The following ATP11C variants were observed in gnomAD, a reference collection of about 807,000 sequenced individuals.
ATP11C encodes the protein phospholipid-transporting ATPase IG.
ATP11C carries 36 observed loss-of-function variants against 97.4 expected under a neutral mutation model. The ratio of observed to expected loss-of-function variants is 0.37; its 90% CI spans 0.28 to 0.49. ATP11C has a LOEUF of 0.49. Among genes scored for constraint, ATP11C ranks in the 20% least tolerant of loss-of-function variants. The pLI is 0.98. For synonymous variants in ATP11C, 275 were observed against 290.9 expected, an observed-to-expected ratio of 0.95 and a Z score of 0.56; for missense variants, 730 against 824.6, an observed-to-expected ratio of 0.89 and a Z score of 1.40.
At chrX:139,874,191 T>A (rs1342993377) in intron 1 of ATP11C, among the ~76,000 whole-genome samples, 1 of 105,992 alleles carries the variant, frequency 9.4e-6, no homozygotes, top group Admixed American at 1.0e-4. Flanking sequence ...TACAGACGTG[T>A]GCCACCATGC....
intron 1 of ATP11C, among the ~76,000 whole-genome samples, chrX:139,850,755 A>G (rs1240470308): frequency 9.1e-6 from 1 of 110,189 alleles, no homozygotes; most frequent in Non-Finnish European, 1.9e-5. Context: ...TACTAAAAAT[A>G]CAAACAATTA....
intron 3 of ATP11C, among the ~76,000 whole-genome samples, chrX:139,818,884 C>A (rs763820047): frequency 8.9e-6 from 1 of 112,033 alleles, no homozygotes; most frequent in Non-Finnish European, 1.9e-5. Flanking sequence ...GCAGATTGAT[C>A]TAACTAGGCT....
chrX:139,911,903 G>A (rs1395183581), intron 1 of ATP11C, among the ~76,000 whole-genome samples: 9 of 110,295 alleles, frequency 8.2e-5, no homozygotes, highest in African/African-American at 9.9e-5. Flanking sequence ...GGCCAGGCAC[G>A]GTGGATCACG....
Position 139,797,215 on chromosome X carries a change from C to A in ATP11C, c.969G>T (p.Trp323Cys). 2.5e-6 allele frequency: 3 copies of A among 1,204,830 alleles called. No individual in the cohort carries two copies. Among genetic ancestry groups the A allele is most frequent in the Non-Finnish European group, 3.4e-6 (3 of 892,908 alleles). Reference protein sequence around the residue: ...WQSTPYNDEPWYNQKTQKERE... With the variant: ...WQSTPYNDEPCYNQKTQKERE... Reference sequence around the variant, plus strand: ...GCTCTTTCTGAGTCTTTTGGTTATACCAAGGTTCATCATTGTATGGGGTAC... The same window carrying A: ...GCTCTTTCTGAGTCTTTTGGTTATAACAAGGTTCATCATTGTATGGGGTAC... The change falls in exon 11 of 30, where the codon TGG (tryptophan) becomes TGT (cysteine). Residue 323 changes from tryptophan to cysteine, a missense_variant. Physicochemically the swap from Trp to Cys is radical, Grantham distance 215. Coordinates refer to ENST00000682941, the MANE Select transcript of ATP11C (RefSeq NM_001353812.2).
At chrX:139,782,933 T>C (rs960422848) in intron 17 of ATP11C, among the ~76,000 whole-genome samples, 8 of 112,017 alleles carry the variant, frequency 7.1e-5, no homozygotes, top group African/African-American at 2.3e-4. Flanking sequence ...TTAACAAAGG[T>C]TGTTGAAAAG....
chrX:139,749,897 A>C lies in ATP11C; in HGVS notation c.2828+128T>G. 4.4e-6 allele frequency: 3 copies of C among 687,015 alleles called. No homozygotes were observed. In the South Asian group the frequency reaches 1.4e-4, roughly 32 times the overall value. 56.6% of individuals were successfully genotyped at this position (687,015 alleles called of 1,213,427 possible). A position where few individuals can be genotyped will look rare whatever the true frequency, so the allele number is the denominator to read the frequency against. On this transcript the variant is annotated intron_variant, in intron 24 of 29. Coordinates refer to ENST00000682941, the MANE Select transcript of ATP11C (RefSeq NM_001353812.2). The stretch of plus-strand genomic sequence containing the variant: ...AGCAGTCTGCTTTCAATAGCTAAAA[A>C]TTCCAAACAGAACCATATAATCATA...
chrX:139,767,910 C>T (rs953375529), intron 20 of ATP11C, among the ~76,000 whole-genome samples: 2 of 111,056 alleles, frequency 1.8e-5, no homozygotes, highest in African/African-American at 6.5e-5. Flanking sequence ...GCCAGGTCTA[C>T]CTGCAGGCAA....
chrX:139,814,865 T>C lies in ATP11C; in HGVS notation c.426+13A>G, dbSNP rs1181636547. On this transcript the variant is annotated intron_variant, in intron 5 of 29. Coordinates refer to ENST00000682941, the MANE Select transcript of ATP11C (RefSeq NM_001353812.2). ...TTTTACCATTAAAAAAGGAGTGGACTAAGAAAAAATACCTTGATTTTTTCA... is the reference window on the plus strand; with the variant it reads ...TTTTACCATTAAAAAAGGAGTGGACCAAGAAAAAATACCTTGATTTTTTCA... The C allele has an allele frequency of 1.9e-6, 2 of 1,056,217 alleles. No homozygotes were observed. The highest frequency in any genetic ancestry group is 4.3e-5 in the South Asian group (2 of 46,699). 87.0% of individuals were successfully genotyped at this position (1,056,217 alleles called of 1,213,427 possible). A position where few individuals can be genotyped will look rare whatever the true frequency, so the allele number is the denominator to read the frequency against.
chrX:139,825,688 T>C lies in ATP11C; in HGVS notation c.147+1016A>G, dbSNP rs181521337. ...GCCCAAACAAGAAATTAAATGCATA[T>C]TTGAAAACCAAAATGTCATATATTT... On this transcript the variant is annotated intron_variant, in intron 2 of 29. Transcript: ENST00000682941. 3.6e-5 allele frequency among the ~76,000 whole-genome samples: 4 copies of C among 112,531 alleles called. No individual in the cohort carries two copies. In the East Asian group the frequency reaches 1.1e-3, roughly 32 times the overall value.
chrX:139,769,659 G>T (rs1340129320), intron 19 of ATP11C, among the ~76,000 whole-genome samples: 2 of 110,889 alleles, frequency 1.8e-5, no homozygotes, highest in Non-Finnish European at 3.8e-5. Context: ...CAAACAAGTG[G>T]TTATTCAAGT....
chrX:139,791,493 A>C (rs1430240494), intron 12 of ATP11C, among the ~76,000 whole-genome samples: 1 of 111,870 alleles, frequency 8.9e-6, no homozygotes, highest in African/African-American at 3.2e-5. Flanking sequence ...ATTATACCCA[A>C]ATGCAGTAAT....
At position 139,815,784 on chromosome X, in the gene ATP11C, C is replaced by T. The variant is rs923653883; in HGVS notation, c.319-799G>A. 3.6e-5 allele frequency among the ~76,000 whole-genome samples: 4 copies of T among 110,647 alleles called. No individual in the cohort carries two copies. In the South Asian group the frequency reaches 1.5e-3, roughly 42 times the overall value. ...ACAACTGTTTGAAAAGTCTCTTCAT[C>T]GCCTCCCCCCACTTTTTCCCCTCAG... On this transcript the variant is annotated intron_variant, in intron 4 of 29. Coordinates refer to ENST00000682941, the MANE Select transcript of ATP11C (RefSeq NM_001353812.2).
At chrX:139,752,396 T>C (rs2081839625) in intron 23 of ATP11C, among the ~76,000 whole-genome samples, 1 of 111,558 alleles carries the variant, frequency 9.0e-6, no homozygotes, top group Non-Finnish European at 1.9e-5. Context: ...AATCAAGAAA[T>C]AGTTGCCAAA....
chrX:139,821,248 T>C (rs2083403470), intron 2 of ATP11C, among the ~76,000 whole-genome samples: 1 of 111,847 alleles, frequency 8.9e-6, no homozygotes, highest in African/African-American at 3.2e-5. Context: ...AATTTTAAAA[T>C]AAATGCAGAA....
Position 139,819,370 on chromosome X carries a change from T to C in ATP11C, c.205A>G (p.Asn69Asp). The C allele has an allele frequency of 8.7e-7, 1 of 1,143,048 alleles. No homozygotes were observed. Among genetic ancestry groups the C allele is most frequent in the Non-Finnish European group, 1.2e-6 (1 of 852,033 alleles). 94.2% of individuals were successfully genotyped at this position (1,143,048 alleles called of 1,213,427 possible). A position where few individuals can be genotyped will look rare whatever the true frequency, so the allele number is the denominator to read the frequency against. The change falls in exon 3 of 30, where the codon AAT (asparagine) becomes GAT (aspartate). Residue 69 changes from asparagine to aspartate, a missense_variant. Physicochemically the swap from Asn to Asp is conservative, Grantham distance 23. Coordinates refer to ENST00000682941, the MANE Select transcript of ATP11C (RefSeq NM_001353812.2). ...NLFEQFRRIA[N>D]FYFLIIFLVQ... ...AGGAAGATTATGAGAAAATAAAAAT[T>C]TGCAATTCTTCTAAACTGTTCAAAC...
rs544001722 is a variant in ATP11C, at chrX:139,745,640, G to A, written c.2964+82C>T. On this transcript the variant is annotated intron_variant, in intron 25 of 29. Coordinates refer to ENST00000682941, the MANE Select transcript of ATP11C (RefSeq NM_001353812.2). ...TGTAAAATGATTACAGCTAGAGTAT[G>A]TATATGACAAATCCAGCACCTATGG... 701 of 1,032,350 alleles carry A rather than the reference G, an allele frequency of 6.8e-4. 5 individuals carry two copies. The African/African-American group carries it at 0.012, about 18-fold the overall frequency. The allele number at this position is 1,032,350 out of a possible 1,213,427, so 85.1% of individuals were successfully genotyped here.
intron 1 of ATP11C, among the ~76,000 whole-genome samples, chrX:139,886,931 T>C (rs1022031663): frequency 1.8e-4 from 20 of 110,754 alleles, no homozygotes; most frequent in African/African-American, 6.2e-4. Context: ...CTTGGAGTAC[T>C]CATACCAATT....
At chrX:139,880,224 C>T (rs1036385878) in intron 1 of ATP11C, among the ~76,000 whole-genome samples, 1 of 111,374 alleles carries the variant, frequency 9.0e-6, no homozygotes, top group African/African-American at 3.3e-5. Flanking sequence ...ATGAAATAAA[C>T]CCACTGGTGA....
At chrX:139,798,483 C>T (rs1215737907) in intron 9 of ATP11C, 129 bp from the exon 10 acceptor site, 8 of 512,548 alleles carry the variant, frequency 1.6e-5, no homozygotes, top group African/African-American at 2.4e-5. Flanking sequence ...AGTTGTATAT[C>T]ATTTATAGGA....
Sources: allele counts gnomAD v4.1 joint callset (sites outside exome capture counted in the v4.1 genomes callset), GRCh38; gene constraint gnomAD v4.1.1; transcripts MANE v1.5; gene names NCBI Gene and HGNC (gene_info 2026-07-23, HGNC 2026-07-21).